CD163L1: variants seen among roughly 807,000 people sequenced by gnomAD.
The protein encoded by CD163L1 is CD163 molecule like 1.
CD163L1 carries 124 observed loss-of-function variants against 165.4 expected under a neutral mutation model. The observed-to-expected ratio is 0.75, with a 90% CI of 0.65 to 0.87. CD163L1 has a LOEUF of 0.87. Ranked by LOEUF, CD163L1 falls within the 40% of genes least tolerant of loss-of-function variation. The probability of loss-of-function intolerance (pLI) is 0.00; values close to 1 mark genes in which losing one functional copy is unlikely to be tolerated. For synonymous variants in CD163L1, 585 were observed against 662.2 expected (o/e 0.88, Z 1.79); for missense variants, 1,525 against 1,799.9 (o/e 0.85, Z 2.76).
chr12:7,396,712 C>T (rs879421354), intron 7 of CD163L1, among the ~76,000 whole-genome samples: 2 of 152,176 alleles, frequency 1.3e-5, no homozygotes, highest in African/African-American at 2.4e-5. Flanking sequence ...AAGACTGCAA[C>T]ATCAGCTCTT....
At chr12:7,328,725 G>T in the CD163L1 span, 1 of 156,910 alleles carries the variant, frequency 6.4e-6, no homozygotes, top group South Asian at 1.9e-4. Flanking sequence ...TATCCTAAGA[G>T]AAATGTTCAA....
At chr12:7,443,295 A>G (rs1280983796) in intron 1 of CD163L1, among the ~76,000 whole-genome samples, 1 of 152,244 alleles carries the variant, frequency 6.6e-6, no homozygotes, top group Non-Finnish European at 1.5e-5. Flanking sequence ...TGGCACAGAG[A>G]CACAATGCCA....
chr12:7,439,972 T>C, intron 2 of CD163L1: 3 of 1,561,778 alleles, frequency 1.9e-6, no homozygotes, highest in Non-Finnish European at 2.6e-6. Context: ...ACTCGCTCCC[T>C]CCGCAGCCTG....
the CD163L1 span, among the ~76,000 whole-genome samples, chr12:7,336,308 C>G: frequency 3.3e-5 from 5 of 150,134 alleles, no homozygotes; most frequent in African/African-American, 1.2e-4. Context: ...CACATATACA[C>G]CATGGAATAC....
intron 8 of CD163L1, among the ~76,000 whole-genome samples, chr12:7,390,635 A>G (rs1947634319): frequency 6.6e-6 from 1 of 152,234 alleles, no homozygotes; most frequent in Admixed American, 6.5e-5. Flanking sequence ...GTCTACCTAC[A>G]TTAAAAGGGA....
intron 2 of CD163L1, among the ~76,000 whole-genome samples, chr12:7,436,992 ATAGG>A (rs1396056657): frequency 2.0e-5 from 3 of 150,978 alleles, no homozygotes; most frequent in Non-Finnish European, 4.4e-5. Context: ...AAAGAACTAT[ATAGG>A]TAATAACCAA....
At chr12:7,390,152 G>A (rs775581306) in intron 8 of CD163L1, among the ~76,000 whole-genome samples, 1 of 151,760 alleles carries the variant, frequency 6.6e-6, no homozygotes, top group Admixed American at 6.6e-5. Flanking sequence ...GTCATCTCAT[G>A]GAGACAGAGA....
rs756749608 is a variant in CD163L1, at chr12:7,412,726, A to G, written c.767-5874T>C. 2.0e-5 allele frequency among the ~76,000 whole-genome samples: 3 copies of G among 152,294 alleles called. No individual in the cohort carries two copies. The East Asian group carries it at 5.8e-4, about 29-fold the overall frequency. Reference sequence around the variant, plus strand: ...AAGCCAGATGGCAGAAAGACCTCATATCTCCCACAGAAAGAATTTTAACAA... The same window carrying G: ...AAGCCAGATGGCAGAAAGACCTCATGTCTCCCACAGAAAGAATTTTAACAA... On this transcript the variant is annotated intron_variant, in intron 4 of 19. Coordinates refer to ENST00000313599, the MANE Select transcript of CD163L1 (RefSeq NM_174941.6).
At chr12:7,383,940 C>A (rs1055184350) in intron 8 of CD163L1, among the ~76,000 whole-genome samples, 4 of 152,064 alleles carry the variant, frequency 2.6e-5, no homozygotes, top group African/African-American at 7.2e-5. Context: ...CAAAGGAACA[C>A]AATAATTTCT....
At position 7,432,922 on chromosome 12, in the gene CD163L1, A is replaced by T. The variant is rs1948654048; in HGVS notation, c.446-186T>A. 6.6e-6 allele frequency among the ~76,000 whole-genome samples: 1 copy of T among 152,198 alleles called. No individual in the cohort carries two copies. The highest frequency in any genetic ancestry group is 2.4e-5 in the African/African-American group (1 of 41,452). ...TCTAAACACAAATACACAAACAAAA[A>T]AAATCCTAGGTGAAAAAATCAATCA... On this transcript the variant is annotated intron_variant, in intron 3 of 19. Transcript: ENST00000313599. The surrounding 1 kb of genome is among the most constrained non-coding windows in gnomAD (Gnocchi z 4.2).
intron 14 of CD163L1, among the ~76,000 whole-genome samples, chr12:7,370,647 A>G (rs959541640): frequency 1.3e-5 from 2 of 152,134 alleles, no homozygotes; most frequent in African/African-American, 4.8e-5. Context: ...TAACTTTCAC[A>G]TGCACCCTTT....
At chr12:7,361,254 A>T (rs1418650732) in intron 18 of CD163L1, among the ~76,000 whole-genome samples, 1 of 151,468 alleles carries the variant, frequency 6.6e-6, no homozygotes. Context: ...TTACTTCAAG[A>T]CCTCTTCTCC....
At chr12:7,323,387 A>G in the CD163L1 span, 1 of 1,594,308 alleles carries the variant, frequency 6.3e-7, no homozygotes, top group South Asian at 1.1e-5. Flanking sequence ...TTCATTGCAC[A>G]ACTATTCATA....
chr12:7,318,970 C>T, the CD163L1 span, among the ~76,000 whole-genome samples: 5 of 152,028 alleles, frequency 3.3e-5, no homozygotes, highest in Non-Finnish European at 7.4e-5. Flanking sequence ...CTAGGGGGAG[C>T]GGGGAGATAA....
chr12:7,327,266 T>A, the CD163L1 span, among the ~76,000 whole-genome samples: 2 of 152,350 alleles, frequency 1.3e-5, no homozygotes, highest in African/African-American at 2.4e-5. Context: ...ATTAGAACGG[T>A]ATAAGTGAAT....
chr12:7,397,950 G>C (rs1947814062), intron 7 of CD163L1, among the ~76,000 whole-genome samples: 1 of 152,212 alleles, frequency 6.6e-6, no homozygotes, highest in African/African-American at 2.4e-5. Context: ...GGCTCTAATA[G>C]TTTGTTGGAC....
chr12:7,359,491 A>C (rs979652371), intron 18 of CD163L1, among the ~76,000 whole-genome samples: 1 of 152,116 alleles, frequency 6.6e-6, no homozygotes, highest in Admixed American at 6.6e-5. Flanking sequence ...TCAACTTAGA[A>C]TTCTGTATTC....
chr12:7,328,457 T>A, the CD163L1 span: 3 of 1,060,562 alleles, frequency 2.8e-6, no homozygotes, highest in Non-Finnish European at 3.9e-6. Context: ...ACTACTCTCT[T>A]AAAATGTTTA....
the CD163L1 span, among the ~76,000 whole-genome samples, chr12:7,321,977 C>T: frequency 3.7e-4 from 56 of 152,298 alleles, no homozygotes; most frequent in African/African-American, 1.2e-3. Context: ...GGAAGGCTTT[C>T]GGCAAGTTCT....
Sources: gnomAD v4.1 joint callset for allele counts (sites outside exome capture counted in the v4.1 genomes callset) on GRCh38, gnomAD v4.1.1 for gene constraint, Gnocchi (gnomAD v3.1) non-coding constraint, MANE v1.5 for transcripts, NCBI Gene and HGNC (gene_info 2026-07-23, HGNC 2026-07-21) for gene names.